NHSL1: variants seen among roughly 807,000 people sequenced by gnomAD.
The protein encoded by NHSL1 is NHS like 1.
Under a neutral mutation model 95.0 loss-of-function variants are expected in NHSL1, and 48 were observed. That is an observed-to-expected ratio of 0.51 (90% CI 0.40 to 0.64). The LOEUF (loss-of-function observed/expected upper bound fraction) is 0.64, where lower values mean the gene tolerates loss of function less well. Among genes scored for constraint, NHSL1 ranks in the 30% least tolerant of loss-of-function variants. NHSL1 has a pLI of 0.00. For missense variants in NHSL1, 1,971 were observed against 2,077.7 expected, an observed-to-expected ratio of 0.95 and a Z score of 1.00; for synonymous variants, 783 against 833.9, an observed-to-expected ratio of 0.94 and a Z score of 1.05.
chr6:138,568,146 G>A (rs4489169), intron 1 of NHSL1, among the ~76,000 whole-genome samples: 10,685 of 152,278 alleles, frequency 0.07, 1,230 homozygotes, highest in African/African-American at 0.24. Flanking sequence ...AATGCTAACA[G>A]TTAGAAGACC....
chr6:138,433,255 C>A lies in NHSL1; in HGVS notation c.1090G>T (p.Asp364Tyr), dbSNP rs1316186746. Residue 364 changes from aspartate to tyrosine, a missense_variant, in exon 6 of 8, where the codon GAT (aspartate) becomes TAT (tyrosine). Transcript: ENST00000343505. Reference sequence around the variant, plus strand: ...CCTCCTAAATGGCCTAAGTTTTCATCTGCTTGTGGGTGACCTCTCTGGTAG... The same window carrying A: ...CCTCCTAAATGGCCTAAGTTTTCATATGCTTGTGGGTGACCTCTCTGGTAG... ...FLYQRGHPQADENLGHLGGAS... is the reference protein window; with the variant it reads ...FLYQRGHPQAYENLGHLGGAS... 1 of 1,551,560 alleles carries A rather than the reference C, an allele frequency of 6.4e-7. No individual in the cohort carries two copies. Among genetic ancestry groups the A allele is most frequent in the Admixed American group, 2.0e-5 (1 of 50,998 alleles).
Position 138,432,357 on chromosome 6 carries a change from A to C in NHSL1, c.1988T>G (p.Ile663Ser). ...AGGCTTCTTTGCTTTCTTCAAAGAG[A>C]TGTTTCTTGATAGGGATTTATCCTG... is the stretch of plus-strand genomic sequence containing the variant. ...NYQDKSLSRN[I>S]SLKKAKKPPL... The change falls in exon 6 of 8, where the codon ATC (isoleucine) becomes AGC (serine). Residue 663 changes from isoleucine (I) to serine (S), a missense_variant. Ile to Ser is a moderately radical substitution (Grantham distance 142). Transcript: ENST00000343505. This position sits in a 1 kb window ranked among gnomAD's most constrained non-coding sequence, Gnocchi z 4.4. 6.4e-7 allele frequency: 1 copy of C among 1,551,572 alleles called. No homozygotes were observed. The highest frequency in any genetic ancestry group is 8.7e-7 in the Non-Finnish European group (1 of 1,146,918).
intron 1 of NHSL1, among the ~76,000 whole-genome samples, chr6:138,598,229 T>C (rs1272037110): frequency 2.0e-5 from 3 of 151,986 alleles, no homozygotes; most frequent in Non-Finnish European, 4.4e-5. Flanking sequence ...GAGGCCGAGG[T>C]AGATGGATCA....
chr6:138,482,508 GA>G (rs1296516259), intron 2 of NHSL1, among the ~76,000 whole-genome samples: 1 of 151,460 alleles, frequency 6.6e-6, no homozygotes, highest in African/African-American at 2.4e-5. Flanking sequence ...CAGAAAGTTG[GA>G]AAAGAGAAAG....
chr6:138,598,751 C>T (rs1456529834), intron 1 of NHSL1, among the ~76,000 whole-genome samples: 6 of 151,920 alleles, frequency 3.9e-5, no homozygotes, highest in Non-Finnish European at 8.8e-5. Flanking sequence ...ACTAAAACAA[C>T]GTCCAGCGTT....
intron 1 of NHSL1, among the ~76,000 whole-genome samples, chr6:138,645,647 A>T (rs1240614924): frequency 6.6e-6 from 1 of 151,640 alleles, no homozygotes; most frequent in Non-Finnish European, 1.5e-5. Context: ...AGCTGGGACT[A>T]CAGGTGTGCA....
At chr6:138,499,116 A>G in intron 1 of NHSL1, 117 bp downstream of exon 1, 1 of 686,040 alleles carries the variant, frequency 1.5e-6, no homozygotes, top group Non-Finnish European at 2.5e-6. Context: ...AGAACGAAGG[A>G]CCTAAAACAC....
intron 1 of NHSL1, among the ~76,000 whole-genome samples, chr6:138,603,304 T>C (rs952769948): frequency 2.6e-5 from 4 of 152,036 alleles, no homozygotes; most frequent in African/African-American, 9.7e-5. Flanking sequence ...CCCATCTCAG[T>C]CTCCCAAAGT....
At chr6:138,563,461 G>C (rs764012967) in intron 1 of NHSL1, among the ~76,000 whole-genome samples, 4 of 152,120 alleles carry the variant, frequency 2.6e-5, no homozygotes, top group Non-Finnish European at 5.9e-5. Context: ...TCCACAACTG[G>C]AAATTCTAGA....
chr6:138,602,022 G>A (rs1027684967), intron 1 of NHSL1, among the ~76,000 whole-genome samples: 1 of 152,142 alleles, frequency 6.6e-6, no homozygotes, highest in Non-Finnish European at 1.5e-5. Context: ...GCAGCATACA[G>A]AAAAATGGTA....
chr6:138,612,052 G>GT (rs906323126), intron 1 of NHSL1, among the ~76,000 whole-genome samples: 7 of 144,718 alleles, frequency 4.8e-5, no homozygotes, highest in African/African-American at 1.8e-4. Context: ...GGAGGTTGCA[G>GT]TGAGCCAAGA....
At chr6:138,444,026 C>T (rs561765986) in intron 4 of NHSL1, among the ~76,000 whole-genome samples, 3 of 152,256 alleles carry the variant, frequency 2.0e-5, no homozygotes, top group South Asian at 2.1e-4. Context: ...CTGGATTATA[C>T]ATTTTTTGAG....
In NHSL1 at chr6:138,431,840, C is replaced by A; in HGVS notation, c.2505G>T (p.Lys835Asn). 1 of 1,551,648 alleles carries A rather than the reference C, an allele frequency of 6.4e-7. No individual in the cohort carries two copies. Among genetic ancestry groups the A allele is most frequent in the Non-Finnish European group, 8.7e-7 (1 of 1,146,966 alleles). The change falls in exon 6 of 8, where the codon AAG becomes AAT. Residue 835 changes from lysine to asparagine, a missense_variant. By Grantham distance (94) the Lys-to-Asn change is moderately conservative. Around this residue, in one of 3 missense-constraint regions of NHSL1, gnomAD observed 1,602 missense variants for 1,654.5 expected, o/e 0.97. Transcript: ENST00000343505. This position sits in a 1 kb window ranked among gnomAD's most constrained non-coding sequence, Gnocchi z 4.0. ...PQVPGGSVKPKIMSPEKSHRV... is the reference protein window; with the variant it reads ...PQVPGGSVKPNIMSPEKSHRV... ...TGTGTGACTTCTCTGGTGACATGAT[C>A]TTTGGTTTGACTGAACCACCGGGCA...
intron 1 of NHSL1, among the ~76,000 whole-genome samples, chr6:138,568,705 T>C (rs776398936): frequency 2.0e-5 from 3 of 152,316 alleles, no homozygotes; most frequent in Non-Finnish European, 4.4e-5. Context: ...CCTATCAATA[T>C]GTATCTTGTA....
At chr6:138,571,868 T>C (rs989131261) in exon 1 of NHSL1, 23 of 1,551,770 alleles carry the variant, frequency 1.5e-5, no homozygotes, top group Non-Finnish European at 1.9e-5. Flanking sequence ...AGAACCTGTA[T>C]TCGGCTGGAG....
chr6:138,431,705 C>T lies in NHSL1; in HGVS notation c.2640G>A (p.Lys880=). ...TCCTTTCTGGTACCTTGGGCTTGGG[C>T]TTCCCCTTCCCGTTTGCTGGTGACA... ...KSVSPANGKG[K]PKPKVPERKS... The change falls in exon 6 of 8, where the codon AAG becomes AAA. Residue 880 remains lysine (K), a synonymous_variant. Transcript: ENST00000343505. The surrounding 1 kb of genome is among the most constrained non-coding windows in gnomAD (Gnocchi z 4.0). 1 of 1,551,762 alleles carries T rather than the reference C, an allele frequency of 6.4e-7. No individual in the cohort carries two copies. The highest frequency in any genetic ancestry group is 8.7e-7 in the Non-Finnish European group (1 of 1,146,998).
intron 2 of NHSL1, among the ~76,000 whole-genome samples, chr6:138,482,204 T>C (rs544338589): frequency 4.1e-4 from 63 of 152,086 alleles, no homozygotes; most frequent in Non-Finnish European, 7.9e-4. Context: ...ATCCCAACAT[T>C]TGGGAGGCCA....
At chr6:138,490,429 A>G (rs1780004537) in intron 2 of NHSL1, among the ~76,000 whole-genome samples, 1 of 152,138 alleles carries the variant, frequency 6.6e-6, no homozygotes, top group African/African-American at 2.4e-5. Context: ...CAGATAAATA[A>G]GACAGACAAG....
intron 1 of NHSL1, 87 bp downstream of exon 1, chr6:138,499,146 C>CACAA: frequency 1.1e-6 from 1 of 871,860 alleles, no homozygotes; most frequent in Non-Finnish European, 1.8e-6. Context: ...CACACACACA[C>CACAA]ACACACACAC....
Sources: allele counts gnomAD v4.1 joint callset (sites outside exome capture counted in the v4.1 genomes callset), GRCh38; gene constraint gnomAD v4.1.1; regional missense constraint gnomAD v4.1.1; non-coding constraint Gnocchi (gnomAD v3.1); transcripts MANE v1.5; gene names NCBI Gene and HGNC (gene_info 2026-07-23, HGNC 2026-07-21).